The following ST6GALNAC3 variants were observed in gnomAD, a reference collection of about 807,000 sequenced individuals.
The protein encoded by ST6GALNAC3 is ST6 N-acetylgalactosaminide alpha-2,6-sialyltransferase 3.
ST6GALNAC3 carries 25 observed loss-of-function variants against 32.7 expected under a neutral mutation model. That is an observed-to-expected ratio of 0.76 (90% CI 0.56 to 1.07). ST6GALNAC3 has a LOEUF of 1.07. Among genes scored for constraint, ST6GALNAC3 ranks in the 50% least tolerant of loss-of-function variants. ST6GALNAC3 has a pLI of 0.00. For missense variants in ST6GALNAC3, 355 were observed against 382.4 expected, an observed-to-expected ratio of 0.93 and a Z score of 0.60; for synonymous variants, 129 against 133.1, an observed-to-expected ratio of 0.97 and a Z score of 0.21.
chr1:76,458,870 A>G (rs1040445776), intron 3 of ST6GALNAC3, among the ~76,000 whole-genome samples: 1 of 152,102 alleles, frequency 6.6e-6, no homozygotes, highest in Admixed American at 6.6e-5. Context: ...TGTACCCTAA[A>G]ACTTAAAGTA....
intron 1 of ST6GALNAC3, among the ~76,000 whole-genome samples, chr1:76,160,545 C>A (rs2100374287): frequency 6.6e-6 from 1 of 152,306 alleles, no homozygotes; most frequent in South Asian, 2.1e-4. Context: ...ATTAAAATCC[C>A]ACTGGTGTGC....
At chr1:76,428,018 A>G (rs1034749002) in intron 3 of ST6GALNAC3, among the ~76,000 whole-genome samples, 2 of 152,176 alleles carry the variant, frequency 1.3e-5, no homozygotes, top group Non-Finnish European at 2.9e-5. Context: ...GAGTTAGTGG[A>G]CAAAAGCAAA....
chr1:76,143,870 C>T (rs1009138695), intron 1 of ST6GALNAC3, among the ~76,000 whole-genome samples: 1 of 152,144 alleles, frequency 6.6e-6, no homozygotes, highest in Non-Finnish European at 1.5e-5. Context: ...TTATGGGGAA[C>T]AGTGGGCTCT....
At position 76,493,857 on chromosome 1, in the gene ST6GALNAC3, T is replaced by G. The variant is rs1013521668; in HGVS notation, c.623+81440T>G. On this transcript the variant is annotated intron_variant, in intron 3 of 4. Coordinates refer to ENST00000328299, the MANE Select transcript of ST6GALNAC3 (RefSeq NM_152996.4). The stretch of plus-strand genomic sequence containing the variant: ...AGCAACTTCAGAAATCTCCACAATC[T>G]GAAAATGTTCCTGTGTGTAGGGCCA... Among the ~76,000 whole-genome samples, 4 of 152,246 alleles carry G rather than the reference T, an allele frequency of 2.6e-5. No individual in the cohort carries two copies. In the East Asian group the frequency reaches 7.7e-4, roughly 29 times the overall value.
At chr1:76,378,610 G>A (rs993627824) in intron 2 of ST6GALNAC3, among the ~76,000 whole-genome samples, 2 of 151,856 alleles carry the variant, frequency 1.3e-5, no homozygotes, top group South Asian at 4.2e-4. Flanking sequence ...TGCAGTGAGT[G>A]GAGATCACAC....
chr1:76,148,279 C>A (rs1650817992), intron 1 of ST6GALNAC3, among the ~76,000 whole-genome samples: 1 of 152,140 alleles, frequency 6.6e-6, no homozygotes, highest in Admixed American at 6.5e-5. Context: ...CCCTAAAAGG[C>A]ATTTCTTTGA....
chr1:76,155,830 A>G (rs555165125), intron 1 of ST6GALNAC3, among the ~76,000 whole-genome samples: 17 of 152,300 alleles, frequency 1.1e-4, no homozygotes, highest in African/African-American at 3.9e-4. Context: ...TCATATTAGC[A>G]TAACACATTT....
At chr1:76,516,283 T>A (rs1479246905) in intron 3 of ST6GALNAC3, among the ~76,000 whole-genome samples, 2 of 152,220 alleles carry the variant, frequency 1.3e-5, no homozygotes, top group Non-Finnish European at 1.5e-5. Flanking sequence ...ATTATAGATA[T>A]ACATACATAC....
At chr1:76,306,688 G>T (rs1364248886) in intron 1 of ST6GALNAC3, among the ~76,000 whole-genome samples, 15 of 134,526 alleles carry the variant, frequency 1.1e-4, no homozygotes, top group African/African-American at 3.8e-4. Flanking sequence ...TTGGGGGGCG[G>T]GGGGTGCAGA....
chr1:76,246,263 T>C (rs560545850), intron 1 of ST6GALNAC3, among the ~76,000 whole-genome samples: 1 of 152,318 alleles, frequency 6.6e-6, no homozygotes, highest in South Asian at 2.1e-4. Flanking sequence ...ATTTGCTTGG[T>C]AAATATTCCT....
chr1:76,566,491 C>G (rs1665562883), intron 3 of ST6GALNAC3, among the ~76,000 whole-genome samples: 1 of 152,118 alleles, frequency 6.6e-6, no homozygotes, highest in Admixed American at 6.5e-5. Context: ...TCTTCACTGT[C>G]CCTCTGCTCC....
At position 76,270,648 on chromosome 1, in the gene ST6GALNAC3, A is replaced by G. The variant is rs373422076; in HGVS notation, c.19-43157A>G. 1.5e-4 allele frequency among the ~76,000 whole-genome samples: 23 copies of G among 152,196 alleles called. No individual in the cohort carries two copies. In the East Asian group the frequency reaches 4.1e-3, roughly 27 times the overall value. ...ACTGAAATCCACAGTGGTCTGTGAA[A>G]TCCAAGTCTGTGGCCAGATTTGAGC... On this transcript the variant is annotated intron_variant, in intron 1 of 4. Transcript: ENST00000328299.
intron 1 of ST6GALNAC3, among the ~76,000 whole-genome samples, chr1:76,277,553 T>TAC (rs1659215914): frequency 2.3e-5 from 1 of 42,740 alleles, no homozygotes; most frequent in Non-Finnish European, 4.6e-5. Context: ...TATATATATA[T>TAC]ATATATATAT....
At chr1:76,406,410 A>G (rs936242183) in intron 2 of ST6GALNAC3, among the ~76,000 whole-genome samples, 5 of 152,052 alleles carry the variant, frequency 3.3e-5, no homozygotes, top group Admixed American at 6.6e-5. Context: ...TGCTGTTGTG[A>G]AAGAAACAGT....
chr1:76,548,862 C>A (rs1430345191), intron 3 of ST6GALNAC3, among the ~76,000 whole-genome samples: 4 of 152,070 alleles, frequency 2.6e-5, no homozygotes, highest in African/African-American at 2.4e-5. Context: ...CATTTTAATC[C>A]CACTGGGATA....
At chr1:76,396,076 G>C (rs4576695) in intron 2 of ST6GALNAC3, among the ~76,000 whole-genome samples, 151,649 of 152,302 alleles carry the variant, frequency 1, 75,503 homozygotes, top group East Asian at 1. Flanking sequence ...TCACATGGAT[G>C]CCATAACTAT....
chr1:76,456,594 A>G (rs567074573), intron 3 of ST6GALNAC3, among the ~76,000 whole-genome samples: 6 of 152,346 alleles, frequency 3.9e-5, no homozygotes, highest in South Asian at 2.1e-4. Flanking sequence ...AGAACCAAAG[A>G]AAAAAACCAC....
intron 2 of ST6GALNAC3, among the ~76,000 whole-genome samples, chr1:76,365,809 A>T (rs1650320993): frequency 6.6e-6 from 1 of 152,168 alleles, no homozygotes; most frequent in African/African-American, 2.4e-5. Flanking sequence ...TTTTCTGAAG[A>T]TTAGATTCAT....
At chr1:76,175,715 G>A (rs536894602) in intron 1 of ST6GALNAC3, among the ~76,000 whole-genome samples, 1 of 152,202 alleles carries the variant, frequency 6.6e-6, no homozygotes, top group South Asian at 2.1e-4. Flanking sequence ...CCATGAAAAG[G>A]AGAAAAAACA....
Sources: allele counts gnomAD v4.1 joint callset (sites outside exome capture counted in the v4.1 genomes callset), GRCh38; gene constraint gnomAD v4.1.1; transcripts MANE v1.5; gene names NCBI Gene and HGNC (gene_info 2026-07-23, HGNC 2026-07-21).